The following EFCAB5 variants were observed in gnomAD, a reference collection of about 807,000 sequenced individuals.
EFCAB5 encodes the protein EF-hand calcium binding domain 5.
Under a neutral mutation model 167.9 loss-of-function variants are expected in EFCAB5, and 131 were observed. The observed-to-expected ratio is 0.78, with a 90% CI of 0.68 to 0.90. EFCAB5 has a LOEUF of 0.90. EFCAB5 is among the 40% of genes least tolerant of loss of function. The pLI is 0.00. For missense variants in EFCAB5, 1,663 were observed against 1,745.2 expected, an observed-to-expected ratio of 0.95 and a Z score of 0.84; for synonymous variants, 574 against 602.8, an observed-to-expected ratio of 0.95 and a Z score of 0.70.
chr17:29,936,835 A>C (rs901078542), upstream of EFCAB5, among the ~76,000 whole-genome samples: 2 of 152,348 alleles, frequency 1.3e-5, no homozygotes, highest in Non-Finnish European at 2.9e-5. Context: ...CAAGATGCTC[A>C]ATATCTCTGT....
intron 6 of EFCAB5, among the ~76,000 whole-genome samples, chr17:29,999,251 A>G (rs2068609998): frequency 6.6e-6 from 1 of 152,148 alleles, no homozygotes; most frequent in Admixed American, 6.6e-5. Context: ...GTGGTAAATG[A>G]AAAAGCAAGT....
chr17:30,077,344 G>A (rs1342805480), intron 14 of EFCAB5, among the ~76,000 whole-genome samples: 1 of 152,068 alleles, frequency 6.6e-6, no homozygotes, highest in South Asian at 2.1e-4. Flanking sequence ...ACGAAACCAC[G>A]TGTTGTTTAG....
At chr17:29,997,255 A>AAAAG (rs1288264142) in intron 6 of EFCAB5, among the ~76,000 whole-genome samples, 1 of 151,866 alleles carries the variant, frequency 6.6e-6, no homozygotes, top group African/African-American at 2.4e-5. Flanking sequence ...AAAAAAAAAA[A>AAAAG]AAAGAAAGAA....
chr17:30,106,160 C>T (rs1249654377), intron 22 of EFCAB5, among the ~76,000 whole-genome samples: 1 of 151,926 alleles, frequency 6.6e-6, no homozygotes, highest in East Asian at 1.9e-4. Context: ...TGCAGTGGCT[C>T]ATGGCTGTAA....
At chr17:30,063,487 G>C (rs1349819433) in intron 14 of EFCAB5, among the ~76,000 whole-genome samples, 1 of 152,148 alleles carries the variant, frequency 6.6e-6, no homozygotes, top group Non-Finnish European at 1.5e-5. Flanking sequence ...CTGCCCCCCA[G>C]GGGTAGAATC....
intron 8 of EFCAB5, among the ~76,000 whole-genome samples, chr17:30,040,557 A>G (rs545802219): frequency 2.9e-4 from 44 of 152,356 alleles, no homozygotes; most frequent in African/African-American, 9.9e-4. Context: ...TTTAACAGCT[A>G]TAGTAAGTAT....
At chr17:30,054,188 T>C in intron 10 of EFCAB5, 40 bp downstream of exon 10, 5 of 1,473,190 alleles carry the variant, frequency 3.4e-6, no homozygotes, top group Non-Finnish European at 4.5e-6. Flanking sequence ...TTCCCTGTTT[T>C]GTGGAATGGT....
intron 22 of EFCAB5, among the ~76,000 whole-genome samples, chr17:30,103,542 C>T (rs1343153082): frequency 6.6e-6 from 1 of 152,064 alleles, no homozygotes; most frequent in African/African-American, 2.4e-5. Flanking sequence ...CCTCAAACTT[C>T]GATTACTAGA....
intron 7 of EFCAB5, among the ~76,000 whole-genome samples, chr17:30,001,165 C>T (rs2068654266): frequency 6.6e-6 from 1 of 152,172 alleles, no homozygotes. Flanking sequence ...CATGGTGTGG[C>T]ATGCTTTCTT....
At chr17:29,978,272 A>G (rs1214160545) in intron 4 of EFCAB5, among the ~76,000 whole-genome samples, 1 of 152,234 alleles carries the variant, frequency 6.6e-6, no homozygotes, top group Non-Finnish European at 1.5e-5. Flanking sequence ...CCAGTAAAAC[A>G]GATTATGAGT....
intron 3 of EFCAB5, among the ~76,000 whole-genome samples, chr17:29,962,527 G>A (rs182673717): frequency 1.2e-3 from 175 of 151,574 alleles, no homozygotes; most frequent in Non-Finnish European, 1.9e-3. Context: ...TTGGACTGCA[G>A]TGATGTAATC....
intron 22 of EFCAB5, among the ~76,000 whole-genome samples, chr17:30,097,060 A>ATAT (rs1273316544): frequency 2.6e-3 from 169 of 65,578 alleles, no homozygotes; most frequent in Admixed American, 3.8e-3. Flanking sequence ...ATATATATAT[A>ATAT]TTTTTTTTTT....
chr17:29,980,654 G>A (rs1316841125), intron 4 of EFCAB5, among the ~76,000 whole-genome samples: 3 of 151,984 alleles, frequency 2.0e-5, no homozygotes, highest in Non-Finnish European at 4.4e-5. Flanking sequence ...TCTGCTACTT[G>A]ATCTTCAAAT....
At chr17:30,019,427 C>T (rs948272177) in intron 7 of EFCAB5, among the ~76,000 whole-genome samples, 3 of 150,996 alleles carry the variant, frequency 2.0e-5, no homozygotes, top group African/African-American at 7.3e-5. Flanking sequence ...AAATATTGAA[C>T]CATCCCTCTC....
intron 8 of EFCAB5, among the ~76,000 whole-genome samples, chr17:30,047,213 T>C (rs548304680): frequency 1.3e-5 from 2 of 152,242 alleles, no homozygotes; most frequent in African/African-American, 2.4e-5. Flanking sequence ...TGGCTTACTA[T>C]ACAGTAAGAA....
Position 29,943,545 on chromosome 17 carries a change from T to C in EFCAB5, c.106-20T>C, listed in dbSNP as rs2067334461. On this transcript the variant is annotated intron_variant, in intron 2 of 22. Transcript: ENST00000394835. ...AATCAAGTCACATTGAAATTGGTGA[T>C]TTTTTTCCTCTTTTCAAAGACCTTA... is the stretch of plus-strand genomic sequence containing the variant. The C allele has an allele frequency of 6.5e-7, 1 of 1,546,190 alleles. No homozygotes were observed. Among genetic ancestry groups the C allele is most frequent in the African/African-American group, 1.4e-5 (1 of 72,954 alleles).
intron 4 of EFCAB5, among the ~76,000 whole-genome samples, chr17:29,976,054 A>G (rs1045127247): frequency 6.6e-6 from 1 of 152,220 alleles, no homozygotes; most frequent in Non-Finnish European, 1.5e-5. Context: ...CTTGCAGTGC[A>G]ATAAATTAGA....
At chr17:30,002,804 C>T (rs1160466827) in intron 7 of EFCAB5, among the ~76,000 whole-genome samples, 1 of 152,144 alleles carries the variant, frequency 6.6e-6, no homozygotes, top group Non-Finnish European at 1.5e-5. Context: ...TCTTTATTTT[C>T]CCTTTATTCC....
chr17:30,081,021 C>A, intron 17 of EFCAB5, 40 bp downstream of exon 17: 1 of 1,504,944 alleles, frequency 6.6e-7, no homozygotes, highest in Non-Finnish European at 9.2e-7. Context: ...GTAGGATGGC[C>A]TCTCTTTCTA....
Sources: allele counts gnomAD v4.1 joint callset (sites outside exome capture counted in the v4.1 genomes callset), GRCh38; gene constraint gnomAD v4.1.1; transcripts MANE v1.5; gene names NCBI Gene and HGNC (gene_info 2026-07-23, HGNC 2026-07-21).